LRRC49: variants seen among roughly 807,000 people sequenced by gnomAD.
The protein encoded by LRRC49 is leucine-rich repeat-containing protein 49.
A neutral mutation model predicts 83.3 loss-of-function variants in LRRC49; 50 were observed. That is an observed-to-expected ratio of 0.60 (90% CI 0.48 to 0.76). LRRC49 has a LOEUF of 0.76. Ranked by LOEUF, LRRC49 falls within the 30% of genes least tolerant of loss-of-function variation. The probability of loss-of-function intolerance (pLI) is 0.00; values close to 1 mark genes in which losing one functional copy is unlikely to be tolerated. For missense variants in LRRC49, 704 were observed against 809.1 expected (o/e 0.87, Z 1.58); for synonymous variants, 286 against 283.3 (o/e 1.01, Z -0.10).
At chr15:70,980,288 GT>G in intron 10 of LRRC49, 104 bp downstream of exon 10, 1 of 725,582 alleles carries the variant, frequency 1.4e-6, no homozygotes, top group East Asian at 2.8e-5. Flanking sequence ...AACTTTGTAA[GT>G]TTTTTGTTCC....
chr15:70,898,337 A>G lies in LRRC49; in HGVS notation c.193+2401A>G, dbSNP rs903407072. ...TCTTAGTAAACTGGAAAAACAATTA[A>G]TTTGTCTATTGATTGCCTACTGAAT... is the stretch of plus-strand genomic sequence containing the variant. On this transcript the variant is annotated intron_variant, in intron 3 of 15. Transcript: ENST00000260382. The G allele has an allele frequency of 4.0e-5, 27 of 672,306 alleles. No individual in the cohort carries two copies. The African/African-American group carries it at 4.9e-4, about 12-fold the overall frequency. The allele number at this position is 672,306 out of a possible 1,614,324, so 41.6% of individuals were successfully genotyped here. A position where few individuals can be genotyped will look rare whatever the true frequency, so the allele number is the denominator to read the frequency against.
intron 9 of LRRC49, among the ~76,000 whole-genome samples, chr15:70,977,342 G>A (rs2141217448): frequency 6.6e-6 from 1 of 152,246 alleles, no homozygotes; most frequent in Admixed American, 6.5e-5. Flanking sequence ...GTTTTTAAAA[G>A]TTAAGAATAA....
chr15:70,950,516 G>T (rs188472178), intron 8 of LRRC49, among the ~76,000 whole-genome samples: 13 of 152,172 alleles, frequency 8.5e-5, no homozygotes, highest in Middle Eastern at 3.4e-3. Flanking sequence ...GATTAGTGAT[G>T]ATATGAGCAT....
chr15:70,955,368 G>A (rs2036363887), intron 8 of LRRC49, among the ~76,000 whole-genome samples: 1 of 152,214 alleles, frequency 6.6e-6, no homozygotes, highest in Non-Finnish European at 1.5e-5. Flanking sequence ...CCCTGGGACA[G>A]TTGTGGTCTG....
intron 2 of LRRC49, among the ~76,000 whole-genome samples, chr15:70,873,965 T>C (rs2033102212): frequency 6.6e-6 from 1 of 152,150 alleles, no homozygotes; most frequent in Non-Finnish European, 1.5e-5. Context: ...CATGGAACTG[T>C]AGAAAGGGAT....
chr15:71,031,580 G>A (rs755838141), intron 14 of LRRC49, among the ~76,000 whole-genome samples: 1 of 152,184 alleles, frequency 6.6e-6, no homozygotes, highest in Non-Finnish European at 1.5e-5. Context: ...CTGGCAGGCA[G>A]GAACGATTAA....
rs375933324 is a variant in LRRC49 at position 71,037,290 on chromosome 15, A to G, written c.1815A>G (p.Thr605=). 8.3e-5 allele frequency: 133 copies of G among 1,608,750 alleles called. 1 individual carries two copies. The highest frequency in any genetic ancestry group is 1.3e-5 in the Non-Finnish European group (15 of 1,177,144). Residue 605 remains threonine, a synonymous_variant, in exon 15 of 16, where the codon ACA becomes ACG. Transcript: ENST00000260382. ...TAGGAGAAAACACAAATCGTGCTAC[A>G]TTAAATTATACTACAAGAGACTTTT... ...RLVGENTNRA[T]LNYTTRDFYN...
At chr15:70,918,744 C>A in intron 6 of LRRC49, 1 of 209,038 alleles carries the variant, frequency 4.8e-6, no homozygotes, top group Admixed American at 5.7e-5. Flanking sequence ...AGTATGTAGC[C>A]TTCACAGAAC....
intron 6 of LRRC49, among the ~76,000 whole-genome samples, chr15:70,913,064 A>C (rs1295746855): frequency 6.6e-6 from 1 of 152,072 alleles, no homozygotes; most frequent in African/African-American, 2.4e-5. Flanking sequence ...ATCCATTTAA[A>C]TATTTGTCTT....
intron 7 of LRRC49, among the ~76,000 whole-genome samples, chr15:70,933,625 A>G (rs1453250684): frequency 6.6e-6 from 1 of 152,220 alleles, no homozygotes; most frequent in African/African-American, 2.4e-5. Flanking sequence ...ACTAGTTGAT[A>G]AAGCAAAGGA....
chr15:70,907,862 G>A (rs182921768), intron 5 of LRRC49: 7 of 423,618 alleles, frequency 1.7e-5, no homozygotes, highest in East Asian at 1.5e-4. Context: ...TGGTGTTAAC[G>A]TAAAAATGGT....
Position 70,858,673 on chromosome 15 carries a change from C to T in LRRC49, c.-299+5204C>T, listed in dbSNP as rs1350960702. 1.7e-5 allele frequency: 10 copies of T among 583,460 alleles called. No homozygotes were observed. The Admixed American group carries it at 2.1e-4, about 12-fold the overall frequency. 36.1% of individuals were successfully genotyped at this position (583,460 alleles called of 1,614,324 possible). ...GCTTCTCTGCTCCTTCTGGAATCTC[C>T]GCCTGGTTCAGCCCGCCTGCCTCCA... On this transcript the variant is annotated intron_variant, in intron 1 of 16. Coordinates refer to the LRRC49 transcript ENST00000544974.
intron 15 of LRRC49, among the ~76,000 whole-genome samples, chr15:71,045,570 T>A (rs1262285274): frequency 6.6e-6 from 1 of 152,216 alleles, no homozygotes; most frequent in African/African-American, 2.4e-5. Flanking sequence ...AATGTAAATC[T>A]TAGGTGTACA....
intron 12 of LRRC49, among the ~76,000 whole-genome samples, chr15:71,009,133 ATTG>A (rs1156816677): frequency 6.6e-6 from 1 of 151,600 alleles, no homozygotes; most frequent in Non-Finnish European, 1.5e-5. Context: ...AGTTTCTATT[ATTG>A]TTGTGTTTTT....
chr15:70,914,600 G>A (rs1411796777), intron 6 of LRRC49, among the ~76,000 whole-genome samples: 2 of 152,174 alleles, frequency 1.3e-5, no homozygotes, highest in Non-Finnish European at 2.9e-5. Flanking sequence ...TATTTAAAAA[G>A]TAGAAACATC....
chr15:70,887,496 AT>A (rs1359102338), upstream of LRRC49, among the ~76,000 whole-genome samples: 1 of 152,222 alleles, frequency 6.6e-6, no homozygotes, highest in African/African-American at 2.4e-5. Flanking sequence ...AATTTACTAT[AT>A]TAACATAATA....
intron 1 of LRRC49, among the ~76,000 whole-genome samples, chr15:70,867,354 G>A (rs760079905): frequency 3.3e-5 from 5 of 152,148 alleles, no homozygotes; most frequent in African/African-American, 7.2e-5. Context: ...TTTCTTCTGA[G>A]CATCAACAGA....
At chr15:71,042,482 CCT>C (rs2039726689) in intron 15 of LRRC49, among the ~76,000 whole-genome samples, 1 of 152,138 alleles carries the variant, frequency 6.6e-6, no homozygotes, top group Non-Finnish European at 1.5e-5. Context: ...GATTTGAGCC[CCT>C]GATTCTACTT....
intron 11 of LRRC49, 109 bp downstream of exon 11, chr15:70,984,366 A>C (rs1410298302): frequency 1.0e-6 from 1 of 959,666 alleles, no homozygotes; most frequent in African/African-American, 1.7e-5. Context: ...TTCTTAAGAA[A>C]ACTTGCTGAA....
Sources: allele counts gnomAD v4.1 joint callset (sites outside exome capture counted in the v4.1 genomes callset), GRCh38; gene constraint gnomAD v4.1.1; transcripts MANE v1.5; gene names NCBI Gene and HGNC (gene_info 2026-07-23, HGNC 2026-07-21).